The following WDR11 variants were observed in gnomAD, a reference collection of about 807,000 sequenced individuals.
WDR11 encodes WD repeat-containing protein 11.
Under a neutral mutation model 151.2 loss-of-function variants are expected in WDR11, and 83 were observed. The ratio of observed to expected loss-of-function variants is 0.55; its 90% CI spans 0.46 to 0.66. The LOEUF is 0.66. WDR11 is among the 30% of genes least tolerant of loss of function. The probability of loss-of-function intolerance (pLI) is 0.00; values close to 1 mark genes in which losing one functional copy is unlikely to be tolerated. For synonymous variants in WDR11, 484 were observed against 533.1 expected (o/e 0.91, Z 1.27); for missense variants, 1,301 against 1,480.9 (o/e 0.88, Z 1.99).
intron 2 of WDR11, 86 bp from the exon 3 acceptor site, chr10:120,858,557 A>G (rs1235183295): frequency 1.3e-6 from 2 of 1,492,220 alleles, no homozygotes; most frequent in African/African-American, 1.4e-5. Flanking sequence ...TAAATGTAGT[A>G]TGGGTTCTGG....
chr10:120,884,160 A>G (rs1847128959), intron 14 of WDR11, among the ~76,000 whole-genome samples: 1 of 152,184 alleles, frequency 6.6e-6, no homozygotes, highest in Non-Finnish European at 1.5e-5. Context: ...TGAAAGAATA[A>G]AGGTCCTAAA....
intron 16 of WDR11, among the ~76,000 whole-genome samples, chr10:120,888,628 C>A (rs1847308209): frequency 6.6e-6 from 1 of 152,194 alleles, no homozygotes. Context: ...GTCAGTGAAG[C>A]TCTGGATCCT....
At chr10:120,889,798 C>T in intron 17 of WDR11, 97 bp from the exon 18 acceptor site, 2 of 849,252 alleles carry the variant, frequency 2.4e-6, no homozygotes, top group Non-Finnish European at 4.0e-6. Context: ...ATCATCAGAC[C>T]TGTTAGAAAT....
At chr10:120,873,638 G>A (rs532096208) in intron 10 of WDR11, among the ~76,000 whole-genome samples, 2 of 152,306 alleles carry the variant, frequency 1.3e-5, no homozygotes, top group Admixed American at 6.5e-5. Flanking sequence ...TTTTGAGCAC[G>A]TGAGGTTAGG....
At position 120,886,783 on chromosome 10, in the gene WDR11, C is replaced by T; in HGVS notation, c.2068C>T (p.His690Tyr). ...VFTDIDGQVY[H>Y]LTVEGNSVKD... The stretch of plus-strand genomic sequence containing the variant: ...TACCGATATTGATGGCCAAGTGTAT[C>T]ATCTCACTGTTGAAGGAAACTCAGT... The change falls in exon 16 of 29, where the codon CAT becomes TAT. Residue 690 changes from histidine to tyrosine, a missense_variant. Transcript: ENST00000263461. 6.2e-7 allele frequency: 1 copy of T among 1,614,058 alleles called. No homozygotes were observed. Among genetic ancestry groups the T allele is most frequent in the African/African-American group, 1.3e-5 (1 of 75,052 alleles).
chr10:120,875,978 C>CTTT lies in WDR11; in HGVS notation c.1556+2070_1556+2072dup, dbSNP rs67775105. ...ATGGAGAAGGGTTAACCTTTTTTTT[C>CTTT]TTTTTTTTTTTTTTTTTGAGTTGGA... On this transcript the variant is annotated intron_variant, in intron 11 of 28. Transcript: ENST00000263461. Among the ~76,000 whole-genome samples the CTTT allele has an allele frequency of 1.2e-3, 148 of 122,804 alleles. 7 individuals are homozygous for CTTT. Among genetic ancestry groups the CTTT allele is most frequent in the East Asian group, 4.0e-3 (17 of 4,262 alleles). 80.6% of individuals were successfully genotyped at this position (122,804 alleles called of 152,430 possible). A position where few individuals can be genotyped will look rare whatever the true frequency, so the allele number is the denominator to read the frequency against.
chr10:120,877,692 C>A (rs543332360), intron 11 of WDR11, among the ~76,000 whole-genome samples: 2 of 152,256 alleles, frequency 1.3e-5, no homozygotes, highest in East Asian at 3.9e-4. Flanking sequence ...GCAGTAAACT[C>A]AAAACATTTT....
chr10:120,889,611 G>C (rs1239425331), intron 17 of WDR11: 3 of 468,176 alleles, frequency 6.4e-6, no homozygotes, highest in African/African-American at 3.9e-5. Context: ...AACTCGTGGA[G>C]GTGTAGCTTG....
intron 5 of WDR11, 22 bp from the exon 6 acceptor site, chr10:120,865,025 A>G (rs779900120): frequency 1.2e-5 from 20 of 1,613,236 alleles, no homozygotes; most frequent in Non-Finnish European, 1.7e-5. Context: ...CTTTGACCCA[A>G]GTGAATGTTT....
intron 19 of WDR11, among the ~76,000 whole-genome samples, chr10:120,892,494 G>C (rs571591541): frequency 6.6e-6 from 1 of 152,236 alleles, no homozygotes; most frequent in South Asian, 2.1e-4. Flanking sequence ...AAAGACATCT[G>C]TGTGTTCACC....
At chr10:120,868,281 C>T (rs919419540) in intron 9 of WDR11, among the ~76,000 whole-genome samples, 1 of 151,950 alleles carries the variant, frequency 6.6e-6, no homozygotes, top group African/African-American at 2.4e-5. Flanking sequence ...TAGTGAAACC[C>T]TGTCTCTACT....
At chr10:120,908,517 C>T in intron 28 of WDR11, 39 bp from the exon 29 acceptor site, 4 of 1,610,322 alleles carry the variant, frequency 2.5e-6, no homozygotes, top group Non-Finnish European at 3.4e-6. Context: ...AGTCTCATCA[C>T]AGCCCTTTTT....
chr10:120,905,812 AATT>A (rs1237942379), intron 26 of WDR11, 61 bp from the exon 27 acceptor site: 13 of 1,613,590 alleles, frequency 8.1e-6, no homozygotes, highest in Admixed American at 1.7e-5. Flanking sequence ...ACTTTAACTG[AATT>A]ATTATTTTTT....
chr10:120,894,311 A>C (rs1174827700), intron 19 of WDR11, among the ~76,000 whole-genome samples: 1 of 152,210 alleles, frequency 6.6e-6, no homozygotes, highest in Non-Finnish European at 1.5e-5. Context: ...ATATAGAAAG[A>C]AGCTTTCTGA....
chr10:120,869,878 C>T (rs191920043), intron 9 of WDR11, among the ~76,000 whole-genome samples: 81 of 152,240 alleles, frequency 5.3e-4, no homozygotes, highest in African/African-American at 1.9e-3. Context: ...CAACCTCCAC[C>T]TCCCGAGTTC....
rs1846791282 is a variant in WDR11 at position 120,876,392 on chromosome 10, T to C, written c.1557-1961T>C. On this transcript the variant is annotated intron_variant, in intron 11 of 28. Coordinates refer to ENST00000263461, the MANE Select transcript of WDR11 (RefSeq NM_018117.12). ...GTGTGGTGCAGCCCAGGTGACTGTT[T>C]ATTGCCACCTTACGCTGTTCCTATA... 2.0e-5 allele frequency among the ~76,000 whole-genome samples: 3 copies of C among 152,198 alleles called. No individual in the cohort carries two copies. The South Asian group carries it at 6.2e-4, about 32-fold the overall frequency.
intron 11 of WDR11, among the ~76,000 whole-genome samples, chr10:120,874,339 C>G (rs1055691687): frequency 6.7e-6 from 1 of 149,918 alleles, no homozygotes; most frequent in Admixed American, 6.6e-5. Flanking sequence ...CCTTACGTTG[C>G]CTTGTTCAGG....
Position 120,874,227 on chromosome 10 carries a change from GT to G in WDR11, c.1556+312del, listed in dbSNP as rs201729401. Among the ~76,000 whole-genome samples the G allele has an allele frequency of 7.7e-4, 93 of 120,490 alleles. 1 individual carries two copies. The highest frequency in any genetic ancestry group is 1.2e-3 in the Non-Finnish European group (71 of 57,734). 79.0% of individuals were successfully genotyped at this position (120,490 alleles called of 152,430 possible). A position where few individuals can be genotyped will look rare whatever the true frequency, so the allele number is the denominator to read the frequency against. On this transcript the variant is annotated intron_variant, in intron 11 of 28. Coordinates refer to ENST00000263461, the MANE Select transcript of WDR11 (RefSeq NM_018117.12). ...GTTGTTGTTTGTTTTGTTTTGTTTT[GT>G]TTTTTTTAAATGGCAAAAAACACAG... is the stretch of plus-strand genomic sequence containing the variant.
At chr10:120,898,744 G>A (rs1847702212) in intron 19 of WDR11, among the ~76,000 whole-genome samples, 1 of 152,164 alleles carries the variant, frequency 6.6e-6, no homozygotes. Context: ...GATGTGCCTT[G>A]CTTCCCCTTC....
Sources: gnomAD v4.1 joint callset for allele counts (sites outside exome capture counted in the v4.1 genomes callset) on GRCh38, gnomAD v4.1.1 for gene constraint, MANE v1.5 for transcripts, NCBI Gene and HGNC (gene_info 2026-07-23, HGNC 2026-07-21) for gene names.